The following ABL2 variants were observed in gnomAD, a reference collection of about 807,000 sequenced individuals.
The protein encoded by ABL2 is tyrosine-protein kinase ABL2.
A neutral mutation model predicts 107.7 loss-of-function variants in ABL2; 49 were observed. The observed-to-expected ratio is 0.45, with a 90% CI of 0.36 to 0.58. The LOEUF (loss-of-function observed/expected upper bound fraction) is 0.58, where lower values mean the gene tolerates loss of function less well. Among genes scored for constraint, ABL2 ranks in the 20% least tolerant of loss-of-function variants. The pLI, the probability that ABL2 is intolerant of heterozygous loss-of-function variation, is 0.00. For missense variants in ABL2, 1,245 were observed against 1,457.0 expected, an observed-to-expected ratio of 0.85 and a Z score of 2.37; for synonymous variants, 549 against 548.6, an observed-to-expected ratio of 1.00 and a Z score of -0.01.
In ABL2 at chr1:179,216,497, T is replaced by C. The variant is rs571080829; in HGVS notation, c.157+12744A>G. 7.6e-4 allele frequency among the ~76,000 whole-genome samples: 115 copies of C among 152,290 alleles called. 1 individual carries two copies. The highest frequency in any genetic ancestry group is 1.4e-3 in the Non-Finnish European group (93 of 68,016). ...AACATCTATTTGATCAGCAACATTC[T>C]TTTAGATAGCAGTTCTGTCTAAATT... On this transcript the variant is annotated intron_variant, in intron 1 of 11. Transcript: ENST00000502732.
intron 9 of ABL2, among the ~76,000 whole-genome samples, chr1:179,113,961 A>G (rs960531981): frequency 3.4e-4 from 50 of 148,954 alleles, no homozygotes; most frequent in African/African-American, 1.2e-3. Flanking sequence ...ATAAATAAAA[A>G]TACAAAAATT....
At chr1:179,145,533 T>C in intron 1 of ABL2, among the ~76,000 whole-genome samples, 1 of 152,222 alleles carries the variant, frequency 6.6e-6, no homozygotes, top group East Asian at 1.9e-4. Flanking sequence ...AAGAGTAGCA[T>C]TTTCAGTTTT....
chr1:179,107,511 A>G lies in ABL2; in HGVS notation c.*207T>C, dbSNP rs1653546919. On this transcript the variant is annotated 3_prime_UTR_variant, in exon 12 of 12. Coordinates refer to ENST00000502732, the MANE Select transcript of ABL2 (RefSeq NM_007314.4). Reference sequence around the variant, plus strand: ...CCCTGTCCACTACTGCCTTGCCCCCACTTAATTTACCTCTCCTATACTTAT... The same window carrying G: ...CCCTGTCCACTACTGCCTTGCCCCCGCTTAATTTACCTCTCCTATACTTAT... The G allele has an allele frequency of 2.0e-6, 2 of 994,728 alleles. No individual in the cohort carries two copies. Among genetic ancestry groups the G allele is most frequent in the South Asian group, 3.8e-5 (2 of 52,340 alleles). 61.6% of individuals were successfully genotyped at this position (994,728 alleles called of 1,614,324 possible). A position where few individuals can be genotyped will look rare whatever the true frequency, so the allele number is the denominator to read the frequency against.
At chr1:179,128,074 G>A (rs1655915773) in intron 3 of ABL2, among the ~76,000 whole-genome samples, 1 of 149,336 alleles carries the variant, frequency 6.7e-6, no homozygotes, top group Non-Finnish European at 1.5e-5. Context: ...TCAGGCAAAA[G>A]TTTTTAGGAG....
intron 1 of ABL2, among the ~76,000 whole-genome samples, chr1:179,153,772 C>T (rs1658513685): frequency 6.6e-6 from 1 of 152,126 alleles, no homozygotes; most frequent in South Asian, 2.1e-4. Flanking sequence ...TTTCAACCTA[C>T]CATAGCTCCC....
At chr1:179,119,521 A>G (rs1052394591) in intron 6 of ABL2, among the ~76,000 whole-genome samples, 7 of 150,738 alleles carry the variant, frequency 4.6e-5, no homozygotes, top group Non-Finnish European at 8.9e-5. Flanking sequence ...TAAAAAACAA[A>G]CAAAAAAAAA....
At chr1:179,122,756 T>G (rs914501334) in intron 4 of ABL2, among the ~76,000 whole-genome samples, 1 of 151,940 alleles carries the variant, frequency 6.6e-6, no homozygotes. Context: ...TGGGTTCAAG[T>G]GATTCTCCTG....
At position 179,106,963 on chromosome 1, in the gene ABL2, A is replaced by G. The variant is rs1653505942; in HGVS notation, c.*755T>C. 1 of 230,358 alleles carries G rather than the reference A, an allele frequency of 4.3e-6. No individual in the cohort carries two copies. Among genetic ancestry groups the G allele is most frequent in the Non-Finnish European group, 8.6e-6 (1 of 116,314 alleles). The allele number at this position is 230,358 out of a possible 1,614,324, so 14.3% of individuals were successfully genotyped here. A position where few individuals can be genotyped will look rare whatever the true frequency, so the allele number is the denominator to read the frequency against. ...ACTTATGGTTTACAGATAGCCACCA[A>G]CAGGCAGGAAGCCGATCCTGGTCCA... On this transcript the variant is annotated 3_prime_UTR_variant, in exon 12 of 12. Transcript: ENST00000502732.
chr1:179,147,179 T>G (rs1308211924), intron 1 of ABL2, among the ~76,000 whole-genome samples: 3 of 11,562 alleles, frequency 2.6e-4, no homozygotes, highest in Admixed American at 1.3e-3. Flanking sequence ...ATCAGAGAAA[T>G]GCAAAAAAAA....
chr1:179,111,958 T>C (rs1186325775), intron 10 of ABL2, among the ~76,000 whole-genome samples: 1 of 152,028 alleles, frequency 6.6e-6, no homozygotes, highest in African/African-American at 2.4e-5. Flanking sequence ...GGCACAAGAA[T>C]TGCTTGAACT....
At chr1:179,216,191 C>T (rs565112469) in intron 1 of ABL2, among the ~76,000 whole-genome samples, 1 of 152,312 alleles carries the variant, frequency 6.6e-6, no homozygotes, top group South Asian at 2.1e-4. Context: ...ACATTTACAG[C>T]AACCAGCAAG....
rs148596386 is a variant in ABL2, at chr1:179,126,618, C to A, written c.446G>T (p.Arg149Leu). 11 of 1,614,134 alleles carry A rather than the reference C, an allele frequency of 6.8e-6. No individual in the cohort carries two copies. The highest frequency in any genetic ancestry group is 8.5e-6 in the Non-Finnish European group (10 of 1,180,024). The change falls in exon 4 of 12, where the codon CGC (arginine) becomes CTC (leucine). Residue 149 changes from arginine to leucine, a missense_variant. By Grantham distance (102) the Arg-to-Leu change is moderately radical. Around this residue, in one of 3 missense-constraint regions of ABL2, gnomAD observed 320 missense variants for 547.0 expected, o/e 0.59. Transcript: ENST00000502732. This position sits in a 1 kb window ranked among gnomAD's most constrained non-coding sequence, Gnocchi z 4.4. ...YNQNGEWSEV[R>L]SKNGQGWVPS... ...CACCCAGCCCTGCCCATTCTTAGAG[C>A]GAACTTCACTCCACTCACCATTCTG...
intron 8 of ABL2, among the ~76,000 whole-genome samples, chr1:179,115,735 A>C (rs1450959531): frequency 6.6e-6 from 1 of 152,224 alleles, no homozygotes; most frequent in African/African-American, 2.4e-5. Flanking sequence ...TGTATCTAAG[A>C]AGCATAACAG....
chr1:179,166,747 AG>A (rs1239755035), intron 1 of ABL2, among the ~76,000 whole-genome samples: 1 of 149,322 alleles, frequency 6.7e-6, no homozygotes, highest in African/African-American at 2.4e-5. Context: ...GCTGCACTCC[AG>A]CCTTGGTGAC....
intron 1 of ABL2, among the ~76,000 whole-genome samples, chr1:179,135,806 C>T (rs1178276452): frequency 6.9e-6 from 1 of 144,466 alleles, no homozygotes; most frequent in Non-Finnish European, 1.5e-5. Context: ...CGGCCAGCCG[C>T]CCCGTCCGGG....
At chr1:179,136,055 C>A (rs1656919602) in intron 1 of ABL2, among the ~76,000 whole-genome samples, 1 of 150,256 alleles carries the variant, frequency 6.7e-6, no homozygotes, top group Non-Finnish European at 1.5e-5. Context: ...GCCCCTCTGC[C>A]CGGCCAGCCG....
chr1:179,128,538 C>T (rs182405552), intron 3 of ABL2, among the ~76,000 whole-genome samples: 53 of 152,122 alleles, frequency 3.5e-4, no homozygotes, highest in African/African-American at 1.1e-3. Flanking sequence ...CAGTCAAAGA[C>T]CCCAGGATTT....
chr1:179,107,891 A>C lies in ABL2; in HGVS notation c.3376T>G (p.Cys1126Gly). ...AATTTGTTGCGAGTTTGAGGGATGC[A>C]GTCCACATAGCCTGAGCAGTAGTCA... The part of the protein sequence containing the change: ...LLDYCSGYVD[C>G]IPQTRNKFAF... Residue 1126 changes from cysteine to glycine, a missense_variant, in exon 12 of 12, where the codon TGC (cysteine) becomes GGC (glycine). Physicochemically the swap from Cys to Gly is radical, Grantham distance 159. This residue lies in a region of ABL2 where 761 missense variants were observed against 766.4 expected (regional missense o/e 0.99). Coordinates refer to ENST00000502732, the MANE Select transcript of ABL2 (RefSeq NM_007314.4). 2.5e-6 allele frequency: 4 copies of C among 1,614,246 alleles called. No homozygotes were observed. The highest frequency in any genetic ancestry group is 3.4e-6 in the Non-Finnish European group (4 of 1,180,044).
chr1:179,201,777 C>T, intron 1 of ABL2: 2 of 885,584 alleles, frequency 2.3e-6, no homozygotes, highest in Non-Finnish European at 3.5e-6. Context: ...AAATTATATC[C>T]ACAGAATCGG....
Sources: allele counts gnomAD v4.1 joint callset (sites outside exome capture counted in the v4.1 genomes callset), GRCh38; gene constraint gnomAD v4.1.1; regional missense constraint gnomAD v4.1.1; non-coding constraint Gnocchi (gnomAD v3.1); transcripts MANE v1.5; gene names NCBI Gene and HGNC (gene_info 2026-07-23, HGNC 2026-07-21).